GALNT18: variants seen among roughly 807,000 people sequenced by gnomAD.
The protein encoded by GALNT18 is GalNAc-transferase 18.
In GALNT18, 44 loss-of-function variants were observed where a neutral mutation model predicts 69.5. The observed-to-expected ratio is 0.63, with a 90% confidence interval of 0.50 to 0.81. The LOEUF (loss-of-function observed/expected upper bound fraction) is 0.81, where lower values mean the gene tolerates loss of function less well. GALNT18 is among the 40% of genes least tolerant of loss of function. The pLI, the probability that GALNT18 is intolerant of heterozygous loss-of-function variation, is 0.00. For synonymous variants in GALNT18, 364 were observed against 318.2 expected, an observed-to-expected ratio of 1.14 and a Z score of -1.53; for missense variants, 715 against 810.0, an observed-to-expected ratio of 0.88 and a Z score of 1.42.
At chr11:11,577,758 G>A (rs1416736654) in intron 1 of GALNT18, among the ~76,000 whole-genome samples, 1 of 152,218 alleles carries the variant, frequency 6.6e-6, no homozygotes, top group East Asian at 1.9e-4. Flanking sequence ...CTGGCACTTT[G>A]AGGGAGAGAG....
chr11:11,550,316 G>A (rs533284655), intron 1 of GALNT18, among the ~76,000 whole-genome samples: 7 of 152,256 alleles, frequency 4.6e-5, no homozygotes, highest in South Asian at 2.1e-4. Context: ...TCCATGCTTC[G>A]GACCTCTCAG....
chr11:11,444,453 C>T lies in GALNT18; in HGVS notation c.428+4291G>A, dbSNP rs1357759921. 2.0e-5 allele frequency among the ~76,000 whole-genome samples: 3 copies of T among 152,280 alleles called. No homozygotes were observed. The highest frequency in any genetic ancestry group is 2.9e-5 in the Non-Finnish European group (2 of 68,030). ...GTGTAAACTCCAGGAGATATCCGTC[C>T]GACGCTTTGTTGGGTGCCGGGCACA... On this transcript the variant is annotated intron_variant, in intron 2 of 10. Transcript: ENST00000227756. This position sits in a 1 kb window ranked among gnomAD's most constrained non-coding sequence, Gnocchi z 4.4.
intron 6 of GALNT18, among the ~76,000 whole-genome samples, chr11:11,354,092 A>C (rs904250602): frequency 6.6e-6 from 1 of 152,200 alleles, no homozygotes; most frequent in African/African-American, 2.4e-5. Flanking sequence ...GATTATAAAC[A>C]CTGGTATGCT....
intron 6 of GALNT18, among the ~76,000 whole-genome samples, chr11:11,370,360 G>A (rs529590205): frequency 3.3e-5 from 5 of 152,144 alleles, no homozygotes; most frequent in African/African-American, 9.7e-5. Context: ...CATCAAACAC[G>A]AAAGAAAGAC....
At chr11:11,528,216 A>G (rs1306033978) in intron 1 of GALNT18, among the ~76,000 whole-genome samples, 1 of 152,222 alleles carries the variant, frequency 6.6e-6, no homozygotes, top group Non-Finnish European at 1.5e-5. Flanking sequence ...GGAAATGCAG[A>G]ATAATATTGT....
In GALNT18 at chr11:11,497,373, C is replaced by CCCA. The variant is rs1856887992; in HGVS notation, c.236-48438_236-48437insTGG. ...ACACACACACACACACACACACACC[C>CCCA]CTTAGAATGGGGCTCCTTAAGAGCA... On this transcript the variant is annotated intron_variant, in intron 1 of 10. Transcript: ENST00000227756. This position sits in a 1 kb window ranked among gnomAD's most constrained non-coding sequence, Gnocchi z 4.2. 6.8e-6 allele frequency among the ~76,000 whole-genome samples: 1 copy of CCCA among 147,076 alleles called. No individual in the cohort carries two copies. Among genetic ancestry groups the CCCA allele is most frequent in the Non-Finnish European group, 1.5e-5 (1 of 66,998 alleles).
At chr11:11,473,282 A>G (rs1014942221) in intron 1 of GALNT18, among the ~76,000 whole-genome samples, 5 of 152,230 alleles carry the variant, frequency 3.3e-5, no homozygotes, top group Middle Eastern at 3.2e-3. Flanking sequence ...TGGATGAGTG[A>G]AAATGTATTT....
chr11:11,367,835 T>C (rs1850806138), intron 6 of GALNT18, among the ~76,000 whole-genome samples: 2 of 152,370 alleles, frequency 1.3e-5, no homozygotes, highest in Non-Finnish European at 2.9e-5. Flanking sequence ...AATCTTTGCA[T>C]ACATGTATGT....
intron 3 of GALNT18, among the ~76,000 whole-genome samples, chr11:11,388,314 T>C (rs1056108715): frequency 1.3e-5 from 2 of 152,128 alleles, no homozygotes; most frequent in Non-Finnish European, 1.5e-5. Flanking sequence ...CACCTTCTTA[T>C]CAGTGCCAAA....
intron 6 of GALNT18, among the ~76,000 whole-genome samples, chr11:11,355,148 T>A (rs1309137633): frequency 6.6e-6 from 1 of 152,202 alleles, no homozygotes; most frequent in Non-Finnish European, 1.5e-5. Context: ...AAATTATACA[T>A]CAGAGCATGT....
At chr11:11,558,843 A>G (rs1858394894) in intron 1 of GALNT18, among the ~76,000 whole-genome samples, 2 of 152,310 alleles carry the variant, frequency 1.3e-5, no homozygotes, top group African/African-American at 4.8e-5. Flanking sequence ...GCACTCCAGG[A>G]GGAGTGGTTA....
Position 11,463,223 on chromosome 11 carries a change from CACAGAGAGAGAG to C in GALNT18, c.236-14299_236-14288del, listed in dbSNP as rs1856084983. ...ACAGACAGACAGACACACACACACA[CACAGAGAGAGAG>C]AGAGAGAGTTCCAGAAGCCCGCAGC... On this transcript the variant is annotated intron_variant, in intron 1 of 10. Coordinates refer to ENST00000227756, the MANE Select transcript of GALNT18 (RefSeq NM_198516.3). This position sits in a 1 kb window ranked among gnomAD's most constrained non-coding sequence, Gnocchi z 4.2. 6.6e-6 allele frequency among the ~76,000 whole-genome samples: 1 copy of C among 151,006 alleles called. No homozygotes were observed. The highest frequency in any genetic ancestry group is 1.5e-5 in the Non-Finnish European group (1 of 67,696).
chr11:11,294,607 CAGA>C (rs1460008788), intron 9 of GALNT18, among the ~76,000 whole-genome samples: 7 of 10,168 alleles, frequency 6.9e-4, no homozygotes, highest in East Asian at 4.0e-3. Flanking sequence ...AAACACATCC[CAGA>C]AAAAAAAAAA....
chr11:11,326,640 C>A (rs1356008198), intron 9 of GALNT18, among the ~76,000 whole-genome samples: 2 of 152,122 alleles, frequency 1.3e-5, no homozygotes, highest in Non-Finnish European at 1.5e-5. Flanking sequence ...AATTTTGGCC[C>A]CAGCTATGAT....
intron 1 of GALNT18, among the ~76,000 whole-genome samples, chr11:11,474,020 C>T (rs889166982): frequency 2.0e-4 from 30 of 152,040 alleles, no homozygotes; most frequent in African/African-American, 5.8e-4. Flanking sequence ...AGCCCAGATC[C>T]GACACTGCAC....
chr11:11,532,582 G>C (rs926608481), intron 1 of GALNT18, among the ~76,000 whole-genome samples: 23 of 152,172 alleles, frequency 1.5e-4, no homozygotes, highest in African/African-American at 5.3e-4. Context: ...TAAATACAAA[G>C]ACAAAGCTCA....
At chr11:11,549,339 C>T (rs190472613) in intron 1 of GALNT18, among the ~76,000 whole-genome samples, 136 of 152,336 alleles carry the variant, frequency 8.9e-4, no homozygotes, top group Non-Finnish European at 1.7e-3. Flanking sequence ...CTTAAGCCAC[C>T]ATTATACTGT....
chr11:11,555,539 T>G lies in GALNT18; in HGVS notation c.235+65820A>C, dbSNP rs894264993. Among the ~76,000 whole-genome samples, 15 of 152,216 alleles carry G rather than the reference T, an allele frequency of 9.9e-5. No individual in the cohort carries two copies. Among genetic ancestry groups the G allele is most frequent in the Non-Finnish European group, 1.6e-4 (11 of 68,036 alleles). ...GACTTTAACCTGGCTTTGAATGCCC[T>G]GGCTTTAGACTTCTAATCTCCAGAA... On this transcript the variant is annotated intron_variant, in intron 1 of 10. Coordinates refer to ENST00000227756, the MANE Select transcript of GALNT18 (RefSeq NM_198516.3). This position sits in a 1 kb window ranked among gnomAD's most constrained non-coding sequence, Gnocchi z 4.7.
At chr11:11,352,774 C>G in intron 6 of GALNT18, 1 of 1,614,138 alleles carries the variant, frequency 6.2e-7, no homozygotes, top group Non-Finnish European at 8.5e-7. Flanking sequence ...GTGTTGTTTA[C>G]GTGTTCAAAA....
Sources: gnomAD v4.1 joint callset for allele counts (sites outside exome capture counted in the v4.1 genomes callset) on GRCh38, gnomAD v4.1.1 for gene constraint, Gnocchi (gnomAD v3.1) non-coding constraint, MANE v1.5 for transcripts, NCBI Gene and HGNC (gene_info 2026-07-23, HGNC 2026-07-21) for gene names.